The following BLM variants were observed in gnomAD, a reference collection of about 807,000 sequenced individuals.
BLM encodes the protein BLM RecQ like helicase, also known as recQ-like DNA helicase BLM.
In BLM, 95 loss-of-function variants were observed where a neutral mutation model predicts 135.3. The ratio of observed to expected loss-of-function variants is 0.70; its 90% confidence interval spans 0.59 to 0.83. The LOEUF (loss-of-function observed/expected upper bound fraction) is 0.83, where lower values mean the gene tolerates loss of function less well. BLM is among the 40% of genes least tolerant of loss of function. The pLI, the probability that BLM is intolerant of heterozygous loss-of-function variation, is 0.00. For synonymous variants in BLM, 520 were observed against 589.2 expected, an observed-to-expected ratio of 0.88 and a Z score of 1.70; for missense variants, 1,518 against 1,663.9, an observed-to-expected ratio of 0.91 and a Z score of 1.53.
intron 8 of BLM, 131 bp from the exon 9 acceptor site, chr15:90,765,165 G>T: frequency 1.3e-6 from 1 of 767,918 alleles, no homozygotes; most frequent in East Asian, 2.5e-5. Context: ...AGTCATTTGA[G>T]TATGGCAAAT....
Position 90,790,839 on chromosome 15 carries a change from T to A in BLM, c.3014T>A (p.Ile1005Lys), listed in dbSNP as rs772671554. Residue 1005 changes from isoleucine to lysine, a missense_variant, in exon 15 of 22, where the codon ATA becomes AAA. By Grantham distance (102) the Ile-to-Lys change is moderately radical. Coordinates refer to ENST00000355112, the MANE Select transcript of BLM (RefSeq NM_000057.4). ...YHDVTRLKRLIMMEKDGNHHT... is the reference protein window; with the variant it reads ...YHDVTRLKRLKMMEKDGNHHT... ...GATGTGACCAGACTGAAAAGACTTA[T>A]AATGAGTAAGCTGGGCTCCATTGTA... is the stretch of plus-strand genomic sequence containing the variant. 6.2e-7 allele frequency: 1 copy of A among 1,613,438 alleles called. No individual in the cohort carries two copies. Among genetic ancestry groups the A allele is most frequent in the Non-Finnish European group, 8.5e-7 (1 of 1,179,344 alleles).
chr15:90,755,147 T>C (rs1895785842), intron 5 of BLM: 1 of 590,370 alleles, frequency 1.7e-6, no homozygotes, highest in Admixed American at 3.4e-5. Flanking sequence ...AGGGCGTTCA[T>C]TCCCCATTTT....
chr15:90,800,140 T>G (rs1324900591), intron 17 of BLM, among the ~76,000 whole-genome samples: 1 of 152,190 alleles, frequency 6.6e-6, no homozygotes, highest in Non-Finnish European at 1.5e-5. Context: ...CTGCTCAAAA[T>G]AATTTTTATG....
At chr15:90,791,498 C>G (rs1418084002) in intron 15 of BLM, among the ~76,000 whole-genome samples, 4 of 151,998 alleles carry the variant, frequency 2.6e-5, no homozygotes, top group Non-Finnish European at 5.9e-5. Flanking sequence ...ACCTAGAATT[C>G]CGTAGTATGG....
chr15:90,751,774 T>C lies in BLM; in HGVS notation c.800-13T>C. 1.9e-6 allele frequency: 3 copies of C among 1,603,280 alleles called. No individual in the cohort carries two copies. The highest frequency in any genetic ancestry group is 2.6e-6 in the Non-Finnish European group (3 of 1,170,664). ...GGTTAACAAATCTATGTTTATCAAC[T>C]GTTTTACTGTAGATAATAGCGAAAA... On this transcript the variant is annotated splice_polypyrimidine_tract_variant and intron_variant, in intron 3 of 21. Transcript: ENST00000355112.
intron 12 of BLM, among the ~76,000 whole-genome samples, chr15:90,775,761 C>T (rs549007053): frequency 6.6e-6 from 1 of 152,208 alleles, no homozygotes; most frequent in South Asian, 2.1e-4. Flanking sequence ...ATCCACCCGC[C>T]CCAGCCTCCC....
At chr15:90,811,867 A>G (rs895929738) in intron 21 of BLM, among the ~76,000 whole-genome samples, 2 of 152,268 alleles carry the variant, frequency 1.3e-5, no homozygotes, top group South Asian at 4.1e-4. Flanking sequence ...CATGTTGCCC[A>G]GGCTGGTCTC....
chr15:90,799,626 TAA>T (rs10600094), intron 17 of BLM, among the ~76,000 whole-genome samples: 2,501 of 108,502 alleles, frequency 0.023, 42 homozygotes, highest in African/African-American at 0.05. Flanking sequence ...AAGATGCCTG[TAA>T]AAAAAAAAAA....
At chr15:90,749,218 T>C (rs1895594738) in intron 2 of BLM, 149 bp from the exon 3 acceptor site, 1 of 627,278 alleles carries the variant, frequency 1.6e-6, no homozygotes, top group Admixed American at 3.0e-5. Context: ...AGTTACCTGA[T>C]AAATTTAAAA....
chr15:90,777,826 C>G (rs192725835), intron 12 of BLM, among the ~76,000 whole-genome samples: 30 of 152,260 alleles, frequency 2.0e-4, no homozygotes, highest in Admixed American at 2.0e-3. Flanking sequence ...AACCTGGTAC[C>G]CATTAGCAGC....
At position 90,782,960 on chromosome 15, in the gene BLM, A is replaced by G. The variant is rs781462537; in HGVS notation, c.2662+32A>G. On this transcript the variant is annotated intron_variant, in intron 13 of 21. Transcript: ENST00000355112. Reference sequence around the variant, plus strand: ...ACAGCCATGTGATTAGCTGTCTAGAAGTAACAAATGTCTTTTTAGTACCAC... The same window carrying G: ...ACAGCCATGTGATTAGCTGTCTAGAGGTAACAAATGTCTTTTTAGTACCAC... The G allele has an allele frequency of 7.9e-6, 12 of 1,517,042 alleles. 2 individuals carry two copies. The South Asian group carries it at 1.2e-4, about 16-fold the overall frequency. 94.0% of individuals were successfully genotyped at this position (1,517,042 alleles called of 1,614,324 possible). A position where few individuals can be genotyped will look rare whatever the true frequency, so the allele number is the denominator to read the frequency against.
At position 90,790,812 on chromosome 15, in the gene BLM, A is replaced by G. The variant is rs1451226538; in HGVS notation, c.2987A>G (p.His996Arg). The G allele has an allele frequency of 4.3e-6, 7 of 1,614,052 alleles. No homozygotes were observed. Among genetic ancestry groups the G allele is most frequent in the African/African-American group, 4.0e-5 (3 of 74,942 alleles). ...CACTGCCTGCTTTTCTATACCTATC[A>G]TGATGTGACCAGACTGAAAAGACTT... The part of the protein sequence containing the change: ...ISHCLLFYTY[H>R]DVTRLKRLIM... The change falls in exon 15 of 22, where the codon CAT becomes CGT. Residue 996 changes from histidine to arginine, a missense_variant. Around this residue, in one of 5 missense-constraint regions of BLM, gnomAD observed 626 missense variants for 681.1 expected, o/e 0.92. Transcript: ENST00000355112.
rs748054605 is a variant in BLM, at chr15:90,784,954, G to A, written c.2696G>A (p.Arg899Gln). 1.2e-5 allele frequency: 20 copies of A among 1,613,954 alleles called. No individual in the cohort carries two copies. The highest frequency in any genetic ancestry group is 6.7e-5 in the Admixed American group (4 of 59,994). ...GGGATAATTTACTGCCTCTCCAGGC[G>A]AGAATGTGACACCATGGCTGACACG... ...DSGIIYCLSR[R>Q]ECDTMADTLQ... The change falls in exon 14 of 22, where the codon CGA (arginine) becomes CAA (glutamine). Residue 899 changes from arginine to glutamine, a missense_variant. This residue lies in a region of BLM where 626 missense variants were observed against 681.1 expected (regional missense o/e 0.92). Transcript: ENST00000355112.
chr15:90,792,113 C>T (rs563385795), intron 15 of BLM, among the ~76,000 whole-genome samples: 8 of 131,266 alleles, frequency 6.1e-5, no homozygotes, highest in Non-Finnish European at 9.3e-5. Context: ...TTTTTTGAGA[C>T]GGAGTCTCGC....
At chr15:90,799,609 G>A (rs112048925) in intron 17 of BLM, among the ~76,000 whole-genome samples, 22,751 of 127,410 alleles carry the variant, frequency 0.18, 1,928 homozygotes, top group Middle Eastern at 0.22. Context: ...CTCACTGAAT[G>A]CCAAATAAGA....
chr15:90,779,392 T>C (rs1374535601), intron 12 of BLM, among the ~76,000 whole-genome samples: 1 of 152,184 alleles, frequency 6.6e-6, no homozygotes, highest in Non-Finnish European at 1.5e-5. Flanking sequence ...GAAAAAGCAA[T>C]AAGGCCATTG....
At chr15:90,752,271 G>A (rs989348614) in intron 4 of BLM, among the ~76,000 whole-genome samples, 3 of 151,936 alleles carry the variant, frequency 2.0e-5, no homozygotes, top group Non-Finnish European at 4.4e-5. Context: ...CACCTCCCGG[G>A]TTCAAGTGAT....
chr15:90,717,742 G>C (rs929680240), intron 1 of BLM, among the ~76,000 whole-genome samples: 17 of 152,240 alleles, frequency 1.1e-4, no homozygotes, highest in Non-Finnish European at 2.4e-4. Context: ...TGCGTAACAT[G>C]ATGCCCTGCA....
rs587778110 is a variant in BLM, at chr15:90,762,996, A to C, written c.1913A>C (p.Asn638Thr). Reference sequence around the variant, plus strand: ...TCAGCACAAAATTTAGCATCCAGAAATCTGAAACATGAGCGTTTCCAAAGT... The same window carrying C: ...TCAGCACAAAATTTAGCATCCAGAACTCTGAAACATGAGCGTTTCCAAAGT... ...DKSAQNLASR[N>T]LKHERFQSLS... The change falls in exon 8 of 22, where the codon AAT (asparagine) becomes ACT (threonine). Residue 638 changes from asparagine (N) to threonine (T), a missense_variant. By Grantham distance (65) the Asn-to-Thr change is moderately conservative (BLOSUM62 0). Coordinates refer to ENST00000355112, the MANE Select transcript of BLM (RefSeq NM_000057.4). 13 of 1,613,560 alleles carry C rather than the reference A, an allele frequency of 8.1e-6. No homozygotes were observed. The highest frequency in any genetic ancestry group is 1.1e-5 in the Non-Finnish European group (13 of 1,179,914).
Sources: allele counts gnomAD v4.1 joint callset (sites outside exome capture counted in the v4.1 genomes callset), GRCh38; gene constraint gnomAD v4.1.1; regional missense constraint gnomAD v4.1.1; transcripts MANE v1.5; gene names NCBI Gene and HGNC (gene_info 2026-07-23, HGNC 2026-07-21).